Variants in FMN1 observed in about 807,000 individuals in gnomAD.
FMN1 encodes the protein formin-1.
In FMN1, 110 loss-of-function variants were observed where a neutral mutation model predicts 132.4. The ratio of observed to expected loss-of-function variants is 0.83; its 90% CI spans 0.71 to 0.97. FMN1 has a LOEUF of 0.97. Ranked by LOEUF, FMN1 falls within the 50% of genes least tolerant of loss-of-function variation. FMN1 has a pLI of 0.00. For synonymous variants in FMN1, 722 were observed against 651.7 expected (o/e 1.11, Z -1.64); for missense variants, 1,792 against 1,705.3 (o/e 1.05, Z -0.90).
intron 9 of FMN1, among the ~76,000 whole-genome samples, chr15:32,936,004 CTTCA>C (rs1359942073): frequency 6.6e-6 from 1 of 152,110 alleles, no homozygotes; most frequent in Non-Finnish European, 1.5e-5. Flanking sequence ...CCTCCTTCTG[CTTCA>C]TTAAGTCTGC....
intron 6 of FMN1, among the ~76,000 whole-genome samples, chr15:33,058,896 T>C (rs1359381467): frequency 6.6e-6 from 1 of 152,272 alleles, no homozygotes; most frequent in East Asian, 1.9e-4. Flanking sequence ...TCATTTGTTA[T>C]GGTGAGACAT....
At chr15:32,779,104 C>A (rs909602990) in intron 19 of FMN1, among the ~76,000 whole-genome samples, 1 of 152,154 alleles carries the variant, frequency 6.6e-6, no homozygotes, top group South Asian at 2.1e-4. Flanking sequence ...TCAGAACAGG[C>A]AAATCCATAC....
intron 3 of FMN1, among the ~76,000 whole-genome samples, chr15:33,165,555 T>C (rs1397462594): frequency 6.6e-6 from 1 of 152,116 alleles, no homozygotes; most frequent in Admixed American, 6.5e-5. Flanking sequence ...CACGCCCGGC[T>C]AATTTTTTTG....
chr15:32,995,742 T>C (rs1244525116), intron 7 of FMN1, among the ~76,000 whole-genome samples: 1 of 152,202 alleles, frequency 6.6e-6, no homozygotes, highest in East Asian at 1.9e-4. Context: ...AAAATTTGTC[T>C]TTACAGCAAA....
chr15:32,778,157 ATTATATATTATATAATACATTTAT>A lies in FMN1; in HGVS notation c.4131-1262_4131-1239del, dbSNP rs71424672. On this transcript the variant is annotated intron_variant, in intron 19 of 20. Coordinates refer to ENST00000616417, the MANE Select transcript of FMN1 (RefSeq NM_001277313.2). ...ATTATGTATAATATATAATACATTT[ATTATATATTATATAATACATTTAT>A]TTATATATTATATAATACATTTATT... Among the ~76,000 whole-genome samples, 220 of 114,528 alleles carry A rather than the reference ATTATATATTATATAATACATTTAT, an allele frequency of 1.9e-3. 20 individuals carry two copies. The highest frequency in any genetic ancestry group is 4.1e-3 in the African/African-American group (106 of 25,912). The allele number at this position is 114,528 out of a possible 152,430, so 75.1% of individuals were successfully genotyped here. A position where few individuals can be genotyped will look rare whatever the true frequency, so the allele number is the denominator to read the frequency against.
At chr15:32,918,778 A>G (rs2060746782) in intron 10 of FMN1, among the ~76,000 whole-genome samples, 1 of 152,188 alleles carries the variant, frequency 6.6e-6, no homozygotes, top group Admixed American at 6.5e-5. Flanking sequence ...ATTACATTCC[A>G]GGCAGATTGG....
rs550098817 is a variant in FMN1, at chr15:33,077,980, A to G, written c.2043+10819T>C. On this transcript the variant is annotated intron_variant, in intron 5 of 20. Transcript: ENST00000616417. ...TTAGAATGGCGATCATTAAAAAGTTAGGAAACAACAGGTGCTGGAGAGGAT... is the reference window on the plus strand; with the variant it reads ...TTAGAATGGCGATCATTAAAAAGTTGGGAAACAACAGGTGCTGGAGAGGAT... Among the ~76,000 whole-genome samples, 173 of 152,334 alleles carry G rather than the reference A, an allele frequency of 1.1e-3. 1 individual carries two copies. Among genetic ancestry groups the G allele is most frequent in the African/African-American group, 4.0e-3 (165 of 41,574 alleles).
At chr15:32,896,530 ACTT>A (rs1300767341) in intron 15 of FMN1, among the ~76,000 whole-genome samples, 9 of 152,234 alleles carry the variant, frequency 5.9e-5, no homozygotes, top group East Asian at 5.8e-4. Context: ...GATCTCTAGA[ACTT>A]CTTCATCTTA....
rs2056034318 is a variant in FMN1, at chr15:32,765,999, T to G, written c.*8311A>C. ...TTAAAAATGCAAAGGGAAAAATACC[T>G]GAATCCAATGAGCTTATTATGCTTA... On this transcript the variant is annotated 3_prime_UTR_variant, in exon 21 of 21. Coordinates refer to ENST00000616417, the MANE Select transcript of FMN1 (RefSeq NM_001277313.2). 1 of 152,214 alleles carries G rather than the reference T, an allele frequency of 6.6e-6. No individual in the cohort carries two copies. Among genetic ancestry groups the G allele is most frequent in the Non-Finnish European group, 1.5e-5 (1 of 68,034 alleles). 9.4% of individuals were successfully genotyped at this position (152,214 alleles called of 1,614,324 possible).
At chr15:32,903,566 G>C (rs1403057592) in intron 12 of FMN1, among the ~76,000 whole-genome samples, 1 of 152,136 alleles carries the variant, frequency 6.6e-6, no homozygotes, top group African/African-American at 2.4e-5. Context: ...CGTCATTCAG[G>C]ACCCAAGTTC....
chr15:32,786,271 C>A (rs1425396205), intron 19 of FMN1, among the ~76,000 whole-genome samples: 2 of 152,170 alleles, frequency 1.3e-5, no homozygotes, highest in Non-Finnish European at 2.9e-5. Context: ...TTACCACTGG[C>A]TCAGTCAATT....
intron 6 of FMN1, among the ~76,000 whole-genome samples, chr15:33,011,280 G>GTGTA (rs1442589199): frequency 6.6e-6 from 1 of 152,060 alleles, no homozygotes; most frequent in Non-Finnish European, 1.5e-5. Context: ...ATATATGATA[G>GTGTA]AAATAGCACT....
intron 19 of FMN1, among the ~76,000 whole-genome samples, chr15:32,789,972 C>G (rs1486021162): frequency 1.3e-5 from 2 of 152,200 alleles, no homozygotes; most frequent in African/African-American, 4.8e-5. Flanking sequence ...TAAGTACACT[C>G]TATAATGTTC....
intron 15 of FMN1, among the ~76,000 whole-genome samples, chr15:32,890,231 A>G (rs2059994157): frequency 6.6e-6 from 1 of 152,198 alleles, no homozygotes; most frequent in African/African-American, 2.4e-5. Flanking sequence ...TGCTATAAAC[A>G]TGCACGTGCA....
At chr15:32,775,418 T>G (rs2056384655) in intron 20 of FMN1, among the ~76,000 whole-genome samples, 1 of 152,104 alleles carries the variant, frequency 6.6e-6, no homozygotes, top group South Asian at 2.1e-4. Context: ...CTTTTGTCTA[T>G]ATGGCTGACC....
At chr15:33,149,377 A>C (rs1184744633) in intron 4 of FMN1, among the ~76,000 whole-genome samples, 2 of 152,232 alleles carry the variant, frequency 1.3e-5, no homozygotes, top group Non-Finnish European at 2.9e-5. Flanking sequence ...ACAGCCTCAT[A>C]ATATTACAGA....
At chr15:32,914,642 T>C (rs1249789847) in intron 10 of FMN1, among the ~76,000 whole-genome samples, 1 of 152,178 alleles carries the variant, frequency 6.6e-6, no homozygotes. Context: ...AAAGACTAAT[T>C]TAGAATCTAT....
chr15:33,152,007 T>C (rs1434767750), intron 4 of FMN1, among the ~76,000 whole-genome samples: 1 of 152,222 alleles, frequency 6.6e-6, no homozygotes, highest in Non-Finnish European at 1.5e-5. Context: ...TCCTCTTCCC[T>C]AGATAGATAT....
chr15:32,983,226 C>G (rs2032820193), intron 7 of FMN1, among the ~76,000 whole-genome samples: 2 of 152,128 alleles, frequency 1.3e-5, no homozygotes, highest in African/African-American at 2.4e-5. Context: ...GGATGAGTCT[C>G]AAATGCACTC....
Sources: allele counts gnomAD v4.1 joint callset (sites outside exome capture counted in the v4.1 genomes callset), GRCh38; gene constraint gnomAD v4.1.1; transcripts MANE v1.5; gene names NCBI Gene and HGNC (gene_info 2026-07-23, HGNC 2026-07-21).